SCAF8: variants seen among roughly 807,000 people sequenced by gnomAD.
SCAF8 encodes the protein SR-related CTD associated factor 8.
In SCAF8, 23 loss-of-function variants were observed where a neutral mutation model predicts 140.5. The ratio of observed to expected loss-of-function variants is 0.16; its 90% CI spans 0.12 to 0.23. SCAF8 has a LOEUF of 0.23. Ranked by LOEUF, SCAF8 falls within the 10% of genes least tolerant of loss-of-function variation. The probability of loss-of-function intolerance (pLI) is 1.00; values close to 1 mark genes in which losing one functional copy is unlikely to be tolerated. For synonymous variants in SCAF8, 575 were observed against 528.9 expected (o/e 1.09, Z -1.20); for missense variants, 1,397 against 1,555.7 (o/e 0.90, Z 1.72).
At position 154,794,468 on chromosome 6, in the gene SCAF8, A is replaced by G. The variant is rs530747836; in HGVS notation, c.476-541A>G. Among the ~76,000 whole-genome samples, 51 of 152,252 alleles carry G rather than the reference A, an allele frequency of 3.3e-4. No individual in the cohort carries two copies. The South Asian group carries it at 1.0e-2, about 30-fold the overall frequency. On this transcript the variant is annotated intron_variant, in intron 5 of 19. Coordinates refer to ENST00000367178, the MANE Select transcript of SCAF8 (RefSeq NM_014892.5). ...ATAGGTGAGTATAGTACAATAAGAT[A>G]TTTTGACAGATAGGGAAAAAGAGAG...
intron 1 of SCAF8, among the ~76,000 whole-genome samples, chr6:154,741,668 A>G (rs926030896): frequency 6.6e-6 from 1 of 152,008 alleles, no homozygotes; most frequent in Non-Finnish European, 1.5e-5. Context: ...CGGCCTCCCA[A>G]AGTGCTGGGA....
At chr6:154,777,170 G>A (rs1299705485) in intron 2 of SCAF8, among the ~76,000 whole-genome samples, 2 of 151,506 alleles carry the variant, frequency 1.3e-5, no homozygotes, top group African/African-American at 4.9e-5. Context: ...GACAGAGTGA[G>A]AGTGTGTCTC....
At chr6:154,820,069 A>T in intron 14 of SCAF8, 108 bp from the exon 15 acceptor site, 1 of 852,472 alleles carries the variant, frequency 1.2e-6, no homozygotes, top group East Asian at 3.3e-5. Context: ...GTTTTCTAAA[A>T]CCAATTTTAA....
intron 1 of SCAF8, among the ~76,000 whole-genome samples, chr6:154,771,695 T>C (rs1583020828): frequency 6.6e-6 from 1 of 152,068 alleles, no homozygotes; most frequent in Admixed American, 6.6e-5. Flanking sequence ...TGGGTACTCA[T>C]GGACATAAAG....
intron 3 of SCAF8, among the ~76,000 whole-genome samples, chr6:154,780,735 G>T (rs774070250): frequency 3.9e-5 from 6 of 152,060 alleles, no homozygotes; most frequent in Non-Finnish European, 8.8e-5. Flanking sequence ...GTATTCCATG[G>T]TGTATATGTA....
At chr6:154,734,099 C>G (rs550392643) in intron 1 of SCAF8, among the ~76,000 whole-genome samples, 169 bp downstream of exon 1, 32 of 152,286 alleles carry the variant, frequency 2.1e-4, no homozygotes, top group Non-Finnish European at 1.5e-5. Context: ...GTGCCCCTCC[C>G]CCGGGTCCGG....
intron 12 of SCAF8, among the ~76,000 whole-genome samples, chr6:154,815,124 C>T (rs990010989): frequency 6.6e-6 from 1 of 151,932 alleles, no homozygotes; most frequent in Admixed American, 6.6e-5. Context: ...GGTGAAACCC[C>T]GTCTCTACTA....
intron 12 of SCAF8, among the ~76,000 whole-genome samples, chr6:154,813,296 G>A (rs1261819416): frequency 2.0e-5 from 3 of 152,048 alleles, no homozygotes; most frequent in East Asian, 3.9e-4. Context: ...AGGCCAAGGC[G>A]GGAGGATTGC....
In SCAF8 at chr6:154,808,137, G is replaced by T. The variant is rs1777976436; in HGVS notation, c.1049G>T (p.Ser350Ile). ...CATTCAGCGTCACCATCACAAGGGAGTAGTCAGCAGCATTTTCTTGAACCT... is the reference window on the plus strand; with the variant it reads ...CATTCAGCGTCACCATCACAAGGGATTAGTCAGCAGCATTTTCTTGAACCT... ...SEHSASPSQG[S>I]SQQHFLEPEV... Residue 350 changes from serine (S) to isoleucine (I), a missense_variant, in exon 10 of 20, where the codon AGT becomes ATT. By Grantham distance (142) the Ser-to-Ile change is moderately radical (BLOSUM62 -2). Transcript: ENST00000367178. 1 of 1,613,822 alleles carries T rather than the reference G, an allele frequency of 6.2e-7. No individual in the cohort carries two copies. The highest frequency in any genetic ancestry group is 2.2e-5 in the East Asian group (1 of 44,874).
chr6:154,824,186 T>TA (rs1363325881), intron 16 of SCAF8, 48 bp from the exon 17 acceptor site: 1 of 1,589,972 alleles, frequency 6.3e-7, no homozygotes. Context: ...TGTTCCAAGA[T>TA]GCAGGTGAAT....
intron 1 of SCAF8, among the ~76,000 whole-genome samples, chr6:154,749,067 G>A (rs918701519): frequency 1.1e-4 from 17 of 152,068 alleles, no homozygotes; most frequent in Non-Finnish European, 1.6e-4. Context: ...TCAGCCTCCC[G>A]AGTAGCTGGG....
At position 154,827,842 on chromosome 6, in the gene SCAF8, G is replaced by GC. The variant is rs1459649206; in HGVS notation, c.2140+602_2140+603insC. ...CCTTTTTTGGGGCGGGGCGGGGGGG[G>GC]GGGCGGTGTAAAACTTTATTTTTTA... is the stretch of plus-strand genomic sequence containing the variant. On this transcript the variant is annotated intron_variant, in intron 18 of 19. Transcript: ENST00000367178. 7.8e-4 allele frequency among the ~76,000 whole-genome samples: 117 copies of GC among 150,796 alleles called. 3 individuals carry two copies. Among genetic ancestry groups the GC allele is most frequent in the Non-Finnish European group, 1.5e-3 (103 of 67,622 alleles).
chr6:154,737,916 T>A lies in SCAF8; in HGVS notation c.30+3986T>A, dbSNP rs373082723. Among the ~76,000 whole-genome samples, 215 of 152,246 alleles carry A rather than the reference T, an allele frequency of 1.4e-3. 12 individuals are homozygous for A. In the South Asian group the frequency reaches 0.044, roughly 31 times the overall value. On this transcript the variant is annotated intron_variant, in intron 1 of 19. Coordinates refer to ENST00000367178, the MANE Select transcript of SCAF8 (RefSeq NM_014892.5). Reference sequence around the variant, plus strand: ...TGTTTAAAATACAAAATACTTAACCTTTTATGGCTTGCTAAGGCTCAGGTT... The same window carrying A: ...TGTTTAAAATACAAAATACTTAACCATTTATGGCTTGCTAAGGCTCAGGTT...
intron 1 of SCAF8, among the ~76,000 whole-genome samples, chr6:154,745,206 T>G (rs575726538): frequency 6.6e-6 from 1 of 152,342 alleles, no homozygotes; most frequent in East Asian, 1.9e-4. Context: ...AATAGGCCAG[T>G]ATTTTTAGAA....
At chr6:154,806,569 G>A (rs367980123) in intron 9 of SCAF8, among the ~76,000 whole-genome samples, 3 of 152,112 alleles carry the variant, frequency 2.0e-5, no homozygotes, top group African/African-American at 7.2e-5. Context: ...CTTTATTTTT[G>A]TCATAGAGGT....
intron 6 of SCAF8, among the ~76,000 whole-genome samples, chr6:154,798,006 C>T (rs1456048713): frequency 6.6e-6 from 1 of 151,338 alleles, no homozygotes; most frequent in African/African-American, 2.4e-5. Context: ...TCCAGTGATA[C>T]TGTATCACTT....
intron 6 of SCAF8, among the ~76,000 whole-genome samples, chr6:154,801,466 G>A (rs972090399): frequency 1.3e-5 from 2 of 151,358 alleles, no homozygotes; most frequent in South Asian, 2.1e-4. Context: ...TAACAGGGGT[G>A]GGTACATGGT....
chr6:154,733,687 C>G lies in SCAF8; in HGVS notation c.-214C>G, dbSNP rs555139158. On this transcript the variant is annotated 5_prime_UTR_variant, in exon 1 of 20. Coordinates refer to ENST00000367178, the MANE Select transcript of SCAF8 (RefSeq NM_014892.5). Reference sequence around the variant, plus strand: ...CTGTTCCCTAGAACGGCGCTCCCCCCGCCCTAGCGGCCATGCCGGTGCCGC... The same window carrying G: ...CTGTTCCCTAGAACGGCGCTCCCCCGGCCCTAGCGGCCATGCCGGTGCCGC... 738 of 1,312,736 alleles carry G rather than the reference C, an allele frequency of 5.6e-4. No individual in the cohort carries two copies. The African/African-American group carries it at 8.1e-3, about 14-fold the overall frequency. 81.3% of individuals were successfully genotyped at this position (1,312,736 alleles called of 1,614,324 possible).
chr6:154,802,178 A>G lies in SCAF8; in HGVS notation c.783+31A>G, dbSNP rs1171112875. On this transcript the variant is annotated intron_variant, in intron 7 of 19. Coordinates refer to ENST00000367178, the MANE Select transcript of SCAF8 (RefSeq NM_014892.5). ...AATTAAAATATCGGATCAAGTCTAT[A>G]TGAATTATTAAATATTATATACTAT... 4 of 1,370,430 alleles carry G rather than the reference A, an allele frequency of 2.9e-6. No individual in the cohort carries two copies. The East Asian group carries it at 7.4e-5, about 25-fold the overall frequency. 84.9% of individuals were successfully genotyped at this position (1,370,430 alleles called of 1,614,324 possible). A position where few individuals can be genotyped will look rare whatever the true frequency, so the allele number is the denominator to read the frequency against.
Sources: allele counts gnomAD v4.1 joint callset (sites outside exome capture counted in the v4.1 genomes callset), GRCh38; gene constraint gnomAD v4.1.1; transcripts MANE v1.5; gene names NCBI Gene and HGNC (gene_info 2026-07-23, HGNC 2026-07-21).